FAM53B: variants seen among roughly 807,000 people sequenced by gnomAD.
FAM53B encodes family with sequence similarity 53 member B.
In FAM53B, 12 loss-of-function variants were observed where a neutral mutation model predicts 32.7. That is an observed-to-expected ratio of 0.37 (90% CI 0.24 to 0.59). The LOEUF (loss-of-function observed/expected upper bound fraction) is 0.59, where lower values mean the gene tolerates loss of function less well. Among genes scored for constraint, FAM53B ranks in the 20% least tolerant of loss-of-function variants. The pLI, the probability that FAM53B is intolerant of heterozygous loss-of-function variation, is 0.72. For synonymous variants in FAM53B, 234 were observed against 228.7 expected (o/e 1.02, Z -0.21); for missense variants, 477 against 577.7 (o/e 0.83, Z 1.79).
At chr10:124,659,206 G>A (rs1171391249) in intron 4 of FAM53B, among the ~76,000 whole-genome samples, 1 of 152,170 alleles carries the variant, frequency 6.6e-6, no homozygotes, top group Non-Finnish European at 1.5e-5. Context: ...TTGGAGAATC[G>A]TGACTCCCTC....
Position 124,740,888 on chromosome 10 carries a change from C to A in FAM53B, c.-175+3125G>T, listed in dbSNP as rs147141742. ...GAGAGTCCAGCAGAGCTAAGCTTCG[C>A]TGAGCCCCGCCAGCTCCGGCCATGT... is the stretch of plus-strand genomic sequence containing the variant. On this transcript the variant is annotated intron_variant, in intron 1 of 4. Transcript: ENST00000337318. 4.9e-3 allele frequency among the ~76,000 whole-genome samples: 742 copies of A among 152,352 alleles called. 7 individuals carry two copies. Among genetic ancestry groups the A allele is most frequent in the Non-Finnish European group, 8.5e-3 (577 of 68,032 alleles).
intron 4 of FAM53B, among the ~76,000 whole-genome samples, chr10:124,660,401 T>C (rs1299850640): frequency 6.6e-6 from 1 of 152,146 alleles, no homozygotes. Flanking sequence ...GTAATGCCAT[T>C]TTCATTGTAA....
At chr10:124,709,441 C>T (rs769192597) in intron 1 of FAM53B, among the ~76,000 whole-genome samples, 1 of 152,214 alleles carries the variant, frequency 6.6e-6, no homozygotes, top group African/African-American at 2.4e-5. Flanking sequence ...GCCTGGGTAA[C>T]TGGGTGGTCA....
intron 1 of FAM53B, among the ~76,000 whole-genome samples, chr10:124,711,094 T>C (rs1165086083): frequency 2.0e-5 from 3 of 152,078 alleles, no homozygotes; most frequent in Non-Finnish European, 2.9e-5. Context: ...TTAGACAAAA[T>C]GTGGCAGGGC....
At chr10:124,722,149 A>G (rs1163877741) in intron 1 of FAM53B, among the ~76,000 whole-genome samples, 1 of 152,204 alleles carries the variant, frequency 6.6e-6, no homozygotes, top group African/African-American at 2.4e-5. Flanking sequence ...AGAGTTAACA[A>G]TATTATGTAG....
Position 124,717,692 on chromosome 10 carries a change from G to A in FAM53B, c.-174-10805C>T, listed in dbSNP as rs527996175. On this transcript the variant is annotated intron_variant, in intron 1 of 4. Coordinates refer to ENST00000337318, the MANE Select transcript of FAM53B (RefSeq NM_014661.4). The stretch of plus-strand genomic sequence containing the variant: ...ATGGGGTGAGGATGGGGATGTATGC[G>A]TGATTGCATTTTCCAAGCTCAATCC... 1.9e-3 allele frequency among the ~76,000 whole-genome samples: 295 copies of A among 152,306 alleles called. 3 individuals carry two copies. Among genetic ancestry groups the A allele is most frequent in the Middle Eastern group, 6.8e-3 (2 of 294 alleles).
intron 4 of FAM53B, among the ~76,000 whole-genome samples, chr10:124,656,640 G>A (rs568414695): frequency 2.0e-5 from 3 of 152,264 alleles, no homozygotes; most frequent in South Asian, 2.1e-4. Flanking sequence ...CGACCCTCCC[G>A]AAGGGACAAC....
chr10:124,725,399 G>A (rs761762404), intron 1 of FAM53B, among the ~76,000 whole-genome samples: 6 of 145,608 alleles, frequency 4.1e-5, no homozygotes, highest in Non-Finnish European at 9.4e-5. Flanking sequence ...TTCTGGACAT[G>A]GTTAAGCACT....
intron 1 of FAM53B, among the ~76,000 whole-genome samples, chr10:124,728,066 G>A (rs1399821160): frequency 6.6e-6 from 1 of 152,126 alleles, no homozygotes; most frequent in Non-Finnish European, 1.5e-5. Context: ...ACACTCAAAC[G>A]ACTAAGTTTC....
intron 4 of FAM53B, among the ~76,000 whole-genome samples, chr10:124,679,576 T>C (rs893618920): frequency 2.0e-5 from 3 of 152,230 alleles, no homozygotes; most frequent in African/African-American, 4.8e-5. Context: ...GGTGGGGGCA[T>C]GGCTCAGCGT....
chr10:124,681,898 T>A lies in FAM53B; in HGVS notation c.615A>T (p.Gly205=). 1.9e-6 allele frequency: 3 copies of A among 1,613,870 alleles called. No individual in the cohort carries two copies. Among genetic ancestry groups the A allele is most frequent in the Non-Finnish European group, 2.5e-6 (3 of 1,179,942 alleles). Residue 205 remains glycine, a synonymous_variant, in exon 4 of 5, where the codon GGA becomes GGT. Coordinates refer to ENST00000337318, the MANE Select transcript of FAM53B (RefSeq NM_014661.4). ...CAGGGCTCCAGGTGTCACCTGCCTGTCCACACGGGGCTGAGCCTGGCACCC... is the reference window on the plus strand; with the variant it reads ...CAGGGCTCCAGGTGTCACCTGCCTGACCACACGGGGCTGAGCCTGGCACCC... The part of the protein sequence containing the change: ...CQGVPGSAPC[G]QAGDTWSPDL...
chr10:124,692,393 C>T (rs774408974), intron 3 of FAM53B, among the ~76,000 whole-genome samples: 60 of 152,094 alleles, frequency 3.9e-4, no homozygotes, highest in Non-Finnish European at 7.2e-4. Flanking sequence ...GCGTGAAGTG[C>T]TTTTAATTAA....
chr10:124,684,353 T>C (rs955949186), intron 3 of FAM53B, among the ~76,000 whole-genome samples: 2 of 152,238 alleles, frequency 1.3e-5, no homozygotes, highest in African/African-American at 4.8e-5. Context: ...TTGGATCAAT[T>C]ACGTCCAAAA....
chr10:124,703,276 C>T (rs1346645432), intron 2 of FAM53B, among the ~76,000 whole-genome samples: 1 of 152,234 alleles, frequency 6.6e-6, no homozygotes, highest in East Asian at 1.9e-4. Flanking sequence ...TCTTGATCTC[C>T]TGACCTCGTG....
intron 1 of FAM53B, among the ~76,000 whole-genome samples, chr10:124,741,021 GCTC>G (rs1950196438): frequency 6.6e-6 from 1 of 152,238 alleles, no homozygotes; most frequent in African/African-American, 2.4e-5. Context: ...AAAGCCCTGA[GCTC>G]GGGATTCTCC....
At chr10:124,689,027 C>G (rs910630241) in intron 3 of FAM53B, among the ~76,000 whole-genome samples, 1 of 152,196 alleles carries the variant, frequency 6.6e-6, no homozygotes, top group Non-Finnish European at 1.5e-5. Flanking sequence ...GATTAGCAAG[C>G]CTGCTGTCAG....
chr10:124,624,835 G>A (rs1047786368), intron 4 of FAM53B, among the ~76,000 whole-genome samples: 10 of 151,382 alleles, frequency 6.6e-5, no homozygotes, highest in African/African-American at 2.2e-4. Flanking sequence ...ACAGGACAGA[G>A]GCTGAGACAG....
intron 1 of FAM53B, among the ~76,000 whole-genome samples, chr10:124,737,124 G>A (rs544256955): frequency 2.0e-5 from 3 of 152,228 alleles, no homozygotes; most frequent in East Asian, 1.9e-4. Flanking sequence ...CAAAGTGCCC[G>A]GCTCCACACT....
intron 4 of FAM53B, among the ~76,000 whole-genome samples, chr10:124,673,674 T>A (rs1021300072): frequency 6.6e-6 from 1 of 152,112 alleles, no homozygotes; most frequent in African/African-American, 2.4e-5. Context: ...CTCAATGCCA[T>A]CTCCATATGA....
Sources: allele counts gnomAD v4.1 joint callset (sites outside exome capture counted in the v4.1 genomes callset), GRCh38; gene constraint gnomAD v4.1.1; transcripts MANE v1.5; gene names NCBI Gene and HGNC (gene_info 2026-07-23, HGNC 2026-07-21).